Variants in SV2C observed in about 807,000 individuals in gnomAD.
The protein encoded by SV2C is solute carrier family 22 member B3.
Under a neutral mutation model 79.7 loss-of-function variants are expected in SV2C, and 49 were observed. The observed-to-expected ratio is 0.61, with a 90% CI of 0.49 to 0.78. SV2C has a LOEUF of 0.78. Among genes scored for constraint, SV2C ranks in the 30% least tolerant of loss-of-function variants. SV2C has a pLI of 0.00. For missense variants in SV2C, 833 were observed against 912.9 expected, an observed-to-expected ratio of 0.91 and a Z score of 1.13; for synonymous variants, 334 against 333.2, an observed-to-expected ratio of 1.00 and a Z score of -0.03.
the SV2C span, among the ~76,000 whole-genome samples, chr5:75,940,056 A>T: frequency 3.3e-5 from 5 of 152,182 alleles, no homozygotes; most frequent in African/African-American, 1.2e-4. Flanking sequence ...CCACCACAAG[A>T]CTGTCAGCTT....
At chr5:76,270,656 GATGT>G (rs1378420015) in intron 4 of SV2C, among the ~76,000 whole-genome samples, 3 of 152,206 alleles carry the variant, frequency 2.0e-5, no homozygotes, top group African/African-American at 7.2e-5. Flanking sequence ...GTTGGGGCAG[GATGT>G]ATATTGTGTT....
rs191328275 is a variant in SV2C, at chr5:76,210,894, A to G, written c.913+1007A>G. Among the ~76,000 whole-genome samples the G allele has an allele frequency of 5.8e-3, 891 of 152,316 alleles. 6 individuals are homozygous for G. The highest frequency in any genetic ancestry group is 9.8e-3 in the Admixed American group (150 of 15,302). ...ATATGTTTCTTATTATAATCACAGC[A>G]TCATAGTGTACTATTGCATTTTACT... On this transcript the variant is annotated intron_variant, in intron 4 of 12. Transcript: ENST00000502798.
the SV2C span, among the ~76,000 whole-genome samples, chr5:75,894,203 G>A: frequency 0.022 from 3,378 of 152,122 alleles, 124 homozygotes; most frequent in African/African-American, 0.075. Flanking sequence ...GGATATCAGT[G>A]AGAATGTCAG....
chr5:76,296,002 G>A lies in SV2C; in HGVS notation c.1502+60G>A, dbSNP rs1023758204. The stretch of plus-strand genomic sequence containing the variant: ...ATTCACAAAAACTTATTTCTTCTTA[G>A]CTTTCCCTGCACTGAAACAGGCATA... On this transcript the variant is annotated intron_variant, in intron 9 of 12. Coordinates refer to ENST00000502798, the MANE Select transcript of SV2C (RefSeq NM_014979.4). 8 of 1,467,108 alleles carry A rather than the reference G, an allele frequency of 5.5e-6. No individual in the cohort carries two copies. In the Admixed American group the frequency reaches 9.1e-5, roughly 17 times the overall value. 90.9% of individuals were successfully genotyped at this position (1,467,108 alleles called of 1,614,324 possible). A position where few individuals can be genotyped will look rare whatever the true frequency, so the allele number is the denominator to read the frequency against.
intron 4 of SV2C, among the ~76,000 whole-genome samples, chr5:76,235,794 G>T (rs1297285321): frequency 6.6e-6 from 1 of 150,502 alleles, no homozygotes; most frequent in Non-Finnish European, 1.5e-5. Context: ...TTTCCATTTA[G>T]CTCACACTTA....
chr5:76,209,434 C>G (rs901581163), intron 3 of SV2C, among the ~76,000 whole-genome samples: 4 of 152,072 alleles, frequency 2.6e-5, no homozygotes, highest in Non-Finnish European at 5.9e-5. Flanking sequence ...AAAACACAAC[C>G]ATGAGCTGAA....
chr5:76,258,675 T>G (rs1425023852), intron 4 of SV2C, among the ~76,000 whole-genome samples: 1 of 152,222 alleles, frequency 6.6e-6, no homozygotes, highest in Non-Finnish European at 1.5e-5. Context: ...CGCACCACTC[T>G]TTATGATTGA....
chr5:76,013,761 G>A, the SV2C span, among the ~76,000 whole-genome samples: 1 of 152,056 alleles, frequency 6.6e-6, no homozygotes, highest in Non-Finnish European at 1.5e-5. Flanking sequence ...ATGTCATCAG[G>A]CACTTGCATG....
At chr5:75,906,710 T>C in the SV2C span, among the ~76,000 whole-genome samples, 1 of 152,214 alleles carries the variant, frequency 6.6e-6, no homozygotes, top group Non-Finnish European at 1.5e-5. Flanking sequence ...GGCTTCTCCA[T>C]GGAAGCTTCC....
the SV2C span, among the ~76,000 whole-genome samples, chr5:75,937,349 ACTTC>A: frequency 6.6e-6 from 1 of 152,142 alleles, no homozygotes. Flanking sequence ...TCTCAGCATT[ACTTC>A]CTCTTTTACA....
chr5:75,910,577 A>G, the SV2C span: 1 of 699,314 alleles, frequency 1.4e-6, no homozygotes, highest in Non-Finnish European at 2.6e-6. Context: ...GTTCAGTGAG[A>G]TTGAGGAGAG....
At chr5:76,349,468 C>T (rs145231687) in intron 12 of SV2C, among the ~76,000 whole-genome samples, 18 of 150,372 alleles carry the variant, frequency 1.2e-4, no homozygotes, top group East Asian at 6.1e-4. Context: ...GGTGAGATCG[C>T]GCCACTGCAC....
the SV2C span, among the ~76,000 whole-genome samples, chr5:75,941,024 T>A: frequency 6.6e-6 from 1 of 152,178 alleles, no homozygotes; most frequent in African/African-American, 2.4e-5. Flanking sequence ...CTGTTAAAGT[T>A]TATAAGCTAA....
At chr5:76,033,094 G>A in the SV2C span, among the ~76,000 whole-genome samples, 1 of 151,742 alleles carries the variant, frequency 6.6e-6, no homozygotes, top group African/African-American at 2.4e-5. Context: ...TGATGGGGTT[G>A]TTTGTTTTTT....
chr5:76,283,333 A>G (rs1311787028), intron 4 of SV2C, among the ~76,000 whole-genome samples: 1 of 152,106 alleles, frequency 6.6e-6, no homozygotes, highest in East Asian at 1.9e-4. Flanking sequence ...AAACCAAAAC[A>G]AAAGCAAAAG....
chr5:75,952,278 CCTTCCTTCCTTT>C, the SV2C span, among the ~76,000 whole-genome samples: 571 of 131,350 alleles, frequency 4.3e-3, 5 homozygotes, highest in African/African-American at 0.011. Flanking sequence ...TTCCTTCCTT[CCTTCCTTCCTTT>C]CTTCCTTCCT....
the SV2C span, among the ~76,000 whole-genome samples, chr5:75,883,844 T>A: frequency 0.15 from 21,804 of 141,276 alleles, 2,148 homozygotes; most frequent in African/African-American, 0.32. Flanking sequence ...TAATAATATT[T>A]AAAAAAAAAA....
the SV2C span, among the ~76,000 whole-genome samples, chr5:75,888,326 C>CT: frequency 9.5e-3 from 1,246 of 131,362 alleles, 25 homozygotes; most frequent in African/African-American, 0.043. Flanking sequence ...AGTCTCCTTG[C>CT]TTTTTAAAAA....
chr5:76,193,837 G>C (rs1218628633), intron 2 of SV2C, among the ~76,000 whole-genome samples: 3 of 152,130 alleles, frequency 2.0e-5, no homozygotes, highest in Admixed American at 1.3e-4. Context: ...TCTGTAAAAT[G>C]GGTTAATAAT....
Sources: allele counts gnomAD v4.1 joint callset (sites outside exome capture counted in the v4.1 genomes callset), GRCh38; gene constraint gnomAD v4.1.1; transcripts MANE v1.5; gene names NCBI Gene and HGNC (gene_info 2026-07-23, HGNC 2026-07-21).